The following TENM3 variants were observed in gnomAD, a reference collection of about 807,000 sequenced individuals.
TENM3 encodes the protein teneurin-3.
TENM3 carries 63 observed loss-of-function variants against 255.1 expected under a neutral mutation model. The ratio of observed to expected loss-of-function variants is 0.25; its 90% CI spans 0.20 to 0.30. TENM3 has a LOEUF of 0.30. Ranked by LOEUF, TENM3 falls within the 10% of genes least tolerant of loss-of-function variation. The pLI, the probability that TENM3 is intolerant of heterozygous loss-of-function variation, is 1.00. For synonymous variants in TENM3, 1,306 were observed against 1,322.3 expected (o/e 0.99, Z 0.27); for missense variants, 2,929 against 3,461.1 (o/e 0.85, Z 3.86).
chr4:181,761,794 T>C, the TENM3 span, among the ~76,000 whole-genome samples: 1 of 152,192 alleles, frequency 6.6e-6, no homozygotes, highest in Non-Finnish European at 1.5e-5. Flanking sequence ...AGAGAGAATC[T>C]ATTTTAAAAT....
chr4:181,920,842 T>C, the TENM3 span, among the ~76,000 whole-genome samples: 4 of 152,210 alleles, frequency 2.6e-5, no homozygotes, highest in African/African-American at 9.7e-5. Flanking sequence ...GCCTAGGTTT[T>C]CTTCTAGGGT....
the TENM3 span, among the ~76,000 whole-genome samples, chr4:181,806,410 G>T: frequency 2.0e-5 from 3 of 152,200 alleles, no homozygotes; most frequent in Admixed American, 6.5e-5. Flanking sequence ...TACCTGCTGT[G>T]GTTGAACATT....
At chr4:181,600,417 C>T in the TENM3 span, among the ~76,000 whole-genome samples, 2 of 152,160 alleles carry the variant, frequency 1.3e-5, no homozygotes, top group African/African-American at 4.8e-5. Context: ...TACCCAGAGA[C>T]CCACAGCCTG....
chr4:181,615,134 G>A, the TENM3 span, among the ~76,000 whole-genome samples: 1 of 152,078 alleles, frequency 6.6e-6, no homozygotes, highest in African/African-American at 2.4e-5. Context: ...ACTCCTCTGG[G>A]ATCAGAGAGG....
At chr4:182,162,498 A>G (rs1751420934) in intron 1 of TENM3, among the ~76,000 whole-genome samples, 1 of 152,230 alleles carries the variant, frequency 6.6e-6, no homozygotes, top group Admixed American at 6.5e-5. Context: ...AGGAATGTAT[A>G]GGGTGGGGTT....
chr4:182,777,994 A>T (rs1398787906), intron 24 of TENM3, among the ~76,000 whole-genome samples: 1 of 152,144 alleles, frequency 6.6e-6, no homozygotes, highest in Admixed American at 6.5e-5. Flanking sequence ...GCAGAAAATA[A>T]CAAGCACAGG....
chr4:182,176,678 G>GT (rs1752506999), intron 1 of TENM3, among the ~76,000 whole-genome samples: 1 of 150,532 alleles, frequency 6.6e-6, no homozygotes, highest in African/African-American at 2.4e-5. Flanking sequence ...TTCTTTTTTT[G>GT]TTTTTTTGAG....
chr4:182,737,194 C>T, intron 17 of TENM3, 119 bp downstream of exon 17: 1 of 1,091,060 alleles, frequency 9.2e-7, no homozygotes, highest in Non-Finnish European at 1.3e-6. Flanking sequence ...ATAAGGTTGT[C>T]CTAGGGATAT....
chr4:182,374,062 G>T (rs1451332388), intron 3 of TENM3, among the ~76,000 whole-genome samples: 1 of 152,088 alleles, frequency 6.6e-6, no homozygotes, highest in Non-Finnish European at 1.5e-5. Context: ...ATATTTAGAA[G>T]TAACTCTAAC....
the TENM3 span, among the ~76,000 whole-genome samples, chr4:181,961,409 T>C: frequency 6.6e-6 from 1 of 152,100 alleles, no homozygotes; most frequent in East Asian, 1.9e-4. Context: ...AAAAATATAG[T>C]TTTTGTGGTT....
chr4:182,653,899 C>T lies in TENM3; in HGVS notation c.1111+6C>T, dbSNP rs1028762239. 5 of 1,604,280 alleles carry T rather than the reference C, an allele frequency of 3.1e-6. No individual in the cohort carries two copies. Among genetic ancestry groups the T allele is most frequent in the Middle Eastern group, 1.7e-4 (1 of 6,046 alleles). Reference sequence around the variant, plus strand: ...ATTACCTTCTGGAGACAATGGTAAGCGAAAGAATTATGTATCCTGTGTTTC... The same window carrying T: ...ATTACCTTCTGGAGACAATGGTAAGTGAAAGAATTATGTATCCTGTGTTTC... On this transcript the variant is annotated splice_donor_region_variant and intron_variant, in intron 6 of 27. Transcript: ENST00000511685.
intron 1 of TENM3, among the ~76,000 whole-genome samples, chr4:182,246,603 T>C (rs572303254): frequency 1.1e-4 from 17 of 152,314 alleles, no homozygotes; most frequent in Admixed American, 2.6e-4. Flanking sequence ...TAAGAATGTG[T>C]CTCGTCCGTA....
chr4:182,209,685 G>A (rs1457203773), intron 1 of TENM3, among the ~76,000 whole-genome samples: 1 of 152,118 alleles, frequency 6.6e-6, no homozygotes, highest in Admixed American at 6.5e-5. Flanking sequence ...ATTTGATGGG[G>A]GTATTAACTG....
the TENM3 span, among the ~76,000 whole-genome samples, chr4:181,951,715 A>C: frequency 1.3e-5 from 2 of 152,238 alleles, no homozygotes; most frequent in Non-Finnish European, 2.9e-5. Flanking sequence ...CACTGTGGTC[A>C]AAAAAGTACA....
At chr4:182,189,060 T>G (rs1753344772) in intron 1 of TENM3, among the ~76,000 whole-genome samples, 1 of 152,072 alleles carries the variant, frequency 6.6e-6, no homozygotes, top group South Asian at 2.1e-4. Flanking sequence ...AAATGGAAAT[T>G]TTTGTAATAT....
chr4:181,883,440 C>T, the TENM3 span, among the ~76,000 whole-genome samples: 1 of 152,130 alleles, frequency 6.6e-6, no homozygotes, highest in Admixed American at 6.6e-5. Context: ...TACAGCCCAC[C>T]TCTTTTCACA....
the TENM3 span, among the ~76,000 whole-genome samples, chr4:181,526,726 G>A: frequency 6.6e-6 from 1 of 152,060 alleles, no homozygotes; most frequent in Non-Finnish European, 1.5e-5. Flanking sequence ...CTATAGGATT[G>A]GTTAAGAGGA....
the TENM3 span, among the ~76,000 whole-genome samples, chr4:181,838,352 G>A: frequency 1.3e-5 from 2 of 152,038 alleles, no homozygotes; most frequent in Non-Finnish European, 2.9e-5. Context: ...CCATGTTTTG[G>A]CATCTAGAAT....
chr4:182,102,434 A>T, the TENM3 span, among the ~76,000 whole-genome samples: 1 of 152,214 alleles, frequency 6.6e-6, no homozygotes, highest in Non-Finnish European at 1.5e-5. Flanking sequence ...AATTACTGGC[A>T]ATGATTAGCA....
Sources: gnomAD v4.1 joint callset for allele counts (sites outside exome capture counted in the v4.1 genomes callset) on GRCh38, gnomAD v4.1.1 for gene constraint, MANE v1.5 for transcripts, NCBI Gene and HGNC (gene_info 2026-07-23, HGNC 2026-07-21) for gene names.